The following CPB2 variants were observed in gnomAD, a reference collection of about 807,000 sequenced individuals.
CPB2 encodes the protein carboxypeptidase B-like protein.
In CPB2, 54 loss-of-function variants were observed where a neutral mutation model predicts 57.0. The ratio of observed to expected loss-of-function variants is 0.95; its 90% CI spans 0.76 to 1.19. The LOEUF (loss-of-function observed/expected upper bound fraction) is 1.19, where lower values mean the gene tolerates loss of function less well. Ranked by LOEUF, CPB2 falls within the 50% of genes most tolerant of loss-of-function variation. CPB2 has a pLI of 0.00. For synonymous variants in CPB2, 189 were observed against 178.1 expected (o/e 1.06, Z -0.49); for missense variants, 426 against 512.0 (o/e 0.83, Z 1.62).
intron 1 of CPB2, among the ~76,000 whole-genome samples, chr13:46,097,879 C>T (rs753580815): frequency 1.2e-4 from 19 of 152,164 alleles, no homozygotes; most frequent in East Asian, 1.9e-4. Context: ...ATAAAAATTC[C>T]GGTTTCCAGA....
chr13:46,104,950 G>C lies in CPB2; in HGVS notation c.60C>G (p.Val20=). The C allele has an allele frequency of 6.2e-7, 1 of 1,613,988 alleles. No individual in the cohort carries two copies. The highest frequency in any genetic ancestry group is 8.5e-7 in the Non-Finnish European group (1 of 1,179,900). The change falls in exon 1 of 11, where the codon GTC becomes GTG. Residue 20 remains valine (V), a synonymous_variant. Transcript: ENST00000181383. ...VPIVLFCEQH[V]FAFQSGQVLA... ...TATTGGGTTACCTCTGAAACGCGAA[G>C]ACATGCTGCTCACAGAAGAGAACAA...
chr13:46,058,146 T>C (rs2044721643), intron 9 of CPB2, 33 bp downstream of exon 9: 1 of 1,577,962 alleles, frequency 6.3e-7, no homozygotes, highest in African/African-American at 1.4e-5. Flanking sequence ...ATTTCCAAAA[T>C]GCTAATGAGA....
rs752505187 is a variant in CPB2 at position 46,105,029 on chromosome 13, A to G, written c.-20T>C. The G allele has an allele frequency of 2.5e-6, 4 of 1,613,706 alleles. No individual in the cohort carries two copies. The Admixed American group carries it at 6.7e-5, about 27-fold the overall frequency. On this transcript the variant is annotated 5_prime_UTR_variant, in exon 1 of 11. Transcript: ENST00000181383. ...CTTCATCCCAACAGCAATTTTCTGT[A>G]CAACAAATTTCTCTGAAGAGAAAAA...
chr13:46,085,279 C>T (rs1161105548), intron 2 of CPB2, among the ~76,000 whole-genome samples: 2 of 152,140 alleles, frequency 1.3e-5, no homozygotes, highest in Admixed American at 6.6e-5. Context: ...AATCATACAC[C>T]TAGAAATGAC....
intron 1 of CPB2, among the ~76,000 whole-genome samples, chr13:46,101,674 G>A (rs754638026): frequency 6.6e-6 from 1 of 152,038 alleles, no homozygotes; most frequent in African/African-American, 2.4e-5. Context: ...ACCAAAAATC[G>A]AATGAGAAGT....
In CPB2 at chr13:46,053,409, A is replaced by T; in HGVS notation, c.*205T>A. The T allele has an allele frequency of 3.0e-6, 2 of 667,886 alleles. No homozygotes were observed. The highest frequency in any genetic ancestry group is 4.3e-6 in the Non-Finnish European group (2 of 462,196). The allele number at this position is 667,886 out of a possible 1,614,324, so 41.4% of individuals were successfully genotyped here. A position where few individuals can be genotyped will look rare whatever the true frequency, so the allele number is the denominator to read the frequency against. On this transcript the variant is annotated 3_prime_UTR_variant, in exon 11 of 11. Transcript: ENST00000181383. ...AAAAGTAGGTAACTAGACTTTTACA[A>T]TTTTTTTTAAAGGGTAAAAAGACAT...
intron 6 of CPB2, among the ~76,000 whole-genome samples, chr13:46,072,328 G>A (rs1372580499): frequency 1.3e-5 from 2 of 152,154 alleles, no homozygotes; most frequent in East Asian, 3.9e-4. Flanking sequence ...ATTGTTGAAA[G>A]GTAAATATTT....
intron 1 of CPB2, among the ~76,000 whole-genome samples, chr13:46,093,604 A>G (rs1035387369): frequency 1.3e-5 from 2 of 150,722 alleles, no homozygotes; most frequent in Admixed American, 1.3e-4. Flanking sequence ...AAAGCAAGAT[A>G]TGGAGAACTT....
intron 1 of CPB2, among the ~76,000 whole-genome samples, chr13:46,104,213 G>A (rs1019197846): frequency 1.3e-5 from 2 of 152,120 alleles, no homozygotes; most frequent in African/African-American, 2.4e-5. Flanking sequence ...AAGATAATTG[G>A]AGGAGAAAGC....
chr13:46,055,775 G>A lies in CPB2; in HGVS notation c.1074C>T (p.Gly358=). 1 of 1,586,690 alleles carries A rather than the reference G, an allele frequency of 6.3e-7. No homozygotes were observed. The highest frequency in any genetic ancestry group is 1.1e-5 in the South Asian group (1 of 88,830). Residue 358 remains glycine, a synonymous_variant, in exon 10 of 11, where the codon GGC becomes GGT. Coordinates refer to ENST00000181383, the MANE Select transcript of CPB2 (RefSeq NM_001872.5). The stretch of plus-strand genomic sequence containing the variant: ...AGAAATACTTACATAAGGTTTCTGA[G>A]CCATGGCCATGTGTATACCTGGTAT... ...SKNTRYTHGH[G]SETLYLAPGG...
intron 6 of CPB2, among the ~76,000 whole-genome samples, chr13:46,072,179 T>C (rs896102560): frequency 6.6e-6 from 1 of 152,196 alleles, no homozygotes. Context: ...AAGTGTAGTG[T>C]AGTGGATTTC....
intron 1 of CPB2, chr13:46,098,250 A>T (rs2045391709): frequency 6.6e-6 from 1 of 152,146 alleles, no homozygotes; most frequent in Non-Finnish European, 1.5e-5. Context: ...AGATTAGAAG[A>T]GGTGCTAGCA....
intron 2 of CPB2, among the ~76,000 whole-genome samples, chr13:46,086,263 T>C (rs1013245295): frequency 4.6e-5 from 7 of 152,164 alleles, no homozygotes; most frequent in Admixed American, 2.6e-4. Context: ...CAGCTCTGTT[T>C]GTGTTAGAGC....
At chr13:46,068,892 C>T (rs568399809) in intron 6 of CPB2, among the ~76,000 whole-genome samples, 30 of 152,030 alleles carry the variant, frequency 2.0e-4, no homozygotes, top group Non-Finnish European at 3.4e-4. Context: ...TTTTATGTTA[C>T]GAATTTATAA....
At chr13:46,100,185 C>T (rs2045416969) in intron 1 of CPB2, 2 of 151,764 alleles carry the variant, frequency 1.3e-5, no homozygotes, top group African/African-American at 4.8e-5. Flanking sequence ...CCAAATGAGA[C>T]CTCTTAAGAA....
intron 10 of CPB2, 97 bp from the exon 11 acceptor site, chr13:46,053,895 C>G (rs2044633755): frequency 1.6e-6 from 2 of 1,231,556 alleles, no homozygotes; most frequent in Admixed American, 5.1e-5. Context: ...GTTTGTATAC[C>G]TTTAGATTTT....
chr13:46,069,908 G>GT (rs1246073062), intron 6 of CPB2, among the ~76,000 whole-genome samples: 1 of 152,112 alleles, frequency 6.6e-6, no homozygotes, highest in African/African-American at 2.4e-5. Flanking sequence ...CTTCCACATT[G>GT]TTTTTCAAAG....
chr13:46,069,179 T>C (rs2044900538), intron 6 of CPB2, among the ~76,000 whole-genome samples: 1 of 152,230 alleles, frequency 6.6e-6, no homozygotes, highest in African/African-American at 2.4e-5. Flanking sequence ...CAGAACAATG[T>C]TACCTATTTC....
At chr13:46,092,029 A>G (rs1052535302) in intron 1 of CPB2, among the ~76,000 whole-genome samples, 2 of 152,164 alleles carry the variant, frequency 1.3e-5, no homozygotes, top group Non-Finnish European at 2.9e-5. Context: ...GCCAGCTCTG[A>G]GCCCCCCCTT....
Sources: allele counts gnomAD v4.1 joint callset (sites outside exome capture counted in the v4.1 genomes callset), GRCh38; gene constraint gnomAD v4.1.1; transcripts MANE v1.5; gene names NCBI Gene and HGNC (gene_info 2026-07-23, HGNC 2026-07-21).